Variants in SDC3 observed in about 807,000 individuals in gnomAD.
SDC3 encodes syndecan 3.
A neutral mutation model predicts 24.4 loss-of-function variants in SDC3; 13 were observed. The observed-to-expected ratio is 0.53, with a 90% CI of 0.35 to 0.85. SDC3 has a LOEUF of 0.85. Among genes scored for constraint, SDC3 ranks in the 40% least tolerant of loss-of-function variants. The pLI, the probability that SDC3 is intolerant of heterozygous loss-of-function variation, is 0.01. For missense variants in SDC3, 571 were observed against 584.5 expected, an observed-to-expected ratio of 0.98 and a Z score of 0.24; for synonymous variants, 295 against 260.9, an observed-to-expected ratio of 1.13 and a Z score of -1.26.
At position 30,873,233 on chromosome 1, in the gene SDC3, T is replaced by C. The variant is rs766306316; in HGVS notation, c.1307A>G (p.Lys436Arg). The change falls in exon 5 of 5, where the codon AAG becomes AGG. Residue 436 changes from lysine (K) to arginine (R), a missense_variant. By Grantham distance (26) the Lys-to-Arg change is conservative. Transcript: ENST00000339394. ...QASVTYQKPD[K>R]QEEFYA ...CCACTAGGCATAGAACTCCTCCTGCTTGTCAGGCTTCTGGTATGTGACGCT... is the reference window on the plus strand; with the variant it reads ...CCACTAGGCATAGAACTCCTCCTGCCTGTCAGGCTTCTGGTATGTGACGCT... The C allele has an allele frequency of 1.9e-6, 3 of 1,613,616 alleles. No individual in the cohort carries two copies. Among genetic ancestry groups the C allele is most frequent in the African/African-American group, 2.7e-5 (2 of 74,912 alleles).
In SDC3 at chr1:30,883,836, G is replaced by A. The variant is rs1435950770; in HGVS notation, c.139-5096C>T. 4.6e-5 allele frequency among the ~76,000 whole-genome samples: 7 copies of A among 152,206 alleles called. No individual in the cohort carries two copies. In the East Asian group the frequency reaches 5.8e-4, roughly 13 times the overall value. ...AGTGATTTGCCCAAAGACACACAGCGACGTAACTACTAGCTCCTCGAGGCA... is the reference window on the plus strand; with the variant it reads ...AGTGATTTGCCCAAAGACACACAGCAACGTAACTACTAGCTCCTCGAGGCA... On this transcript the variant is annotated intron_variant, in intron 1 of 4. Coordinates refer to ENST00000339394, the MANE Select transcript of SDC3 (RefSeq NM_014654.4).
rs994560630 is a variant in SDC3 at position 30,897,503 on chromosome 1, T to C, written c.138+10946A>G. Among the ~76,000 whole-genome samples the C allele has an allele frequency of 1.3e-4, 20 of 152,134 alleles. 1 individual carries two copies. Among genetic ancestry groups the C allele is most frequent in the African/African-American group, 4.6e-4 (19 of 41,426 alleles). ...CATAGCCCCATACAGACAGAAAATATGCTGCAGAGAACAGATCCATGTGGA... is the reference window on the plus strand; with the variant it reads ...CATAGCCCCATACAGACAGAAAATACGCTGCAGAGAACAGATCCATGTGGA... On this transcript the variant is annotated intron_variant, in intron 1 of 4. Coordinates refer to ENST00000339394, the MANE Select transcript of SDC3 (RefSeq NM_014654.4).
intron 1 of SDC3, among the ~76,000 whole-genome samples, chr1:30,881,019 G>A (rs112350103): frequency 5.0e-5 from 7 of 140,238 alleles, no homozygotes; most frequent in East Asian, 4.1e-4. Context: ...AGACACGCGC[G>A]CACGCATGCA....
In SDC3 at chr1:30,894,609, ATGAGTG is replaced by A. The variant is rs1301408910; in HGVS notation, c.138+13834_138+13839del. 1.5e-3 allele frequency among the ~76,000 whole-genome samples: 145 copies of A among 93,556 alleles called. 1 individual carries two copies. In the East Asian group the frequency reaches 0.034, roughly 22 times the overall value. The allele number at this position is 93,556 out of a possible 152,430, so 61.4% of individuals were successfully genotyped here. On this transcript the variant is annotated intron_variant, in intron 1 of 4. Transcript: ENST00000339394. ...GCTACGTGTGTGTGGGTGTGTGTGG[ATGAGTG>A]TGAGTGTGGGTGAGAGTGTGTGGGT... is the stretch of plus-strand genomic sequence containing the variant.
At chr1:30,896,934 A>G (rs1244792751) in intron 1 of SDC3, among the ~76,000 whole-genome samples, 1 of 152,180 alleles carries the variant, frequency 6.6e-6, no homozygotes, top group African/African-American at 2.4e-5. Flanking sequence ...CTGCACTCCA[A>G]TCTGGGCAAC....
rs1338586670 is a variant in SDC3 at position 30,870,725 on chromosome 1, C to A, written c.*2486G>T. 1 of 152,714 alleles carries A rather than the reference C, an allele frequency of 6.5e-6. No homozygotes were observed. Among genetic ancestry groups the A allele is most frequent in the Non-Finnish European group, 1.5e-5 (1 of 68,334 alleles). The allele number at this position is 152,714 out of a possible 1,614,324, so 9.5% of individuals were successfully genotyped here. A position where few individuals can be genotyped will look rare whatever the true frequency, so the allele number is the denominator to read the frequency against. On this transcript the variant is annotated 3_prime_UTR_variant, in exon 5 of 5. Transcript: ENST00000339394. ...GCCCAAGCCCCAAATCAGAAGCCAA[C>A]CCCTGGGATGTGAGGAGCCAGGCCT... is the stretch of plus-strand genomic sequence containing the variant.
rs777923615 is a variant in SDC3 at position 30,874,581 on chromosome 1, G to T, written c.878C>A (p.Thr293Asn). 1.2e-6 allele frequency: 2 copies of T among 1,613,958 alleles called. No individual in the cohort carries two copies. Among genetic ancestry groups the T allele is most frequent in the East Asian group, 4.5e-5 (2 of 44,876 alleles). The change falls in exon 4 of 5, where the codon ACT becomes AAT. Residue 293 changes from threonine to asparagine, a missense_variant. Transcript: ENST00000339394. ...PGPTEVAQTPTPETFLTTIRD... is the reference protein window; with the variant it reads ...PGPTEVAQTPNPETFLTTIRD... ...GATTGTGGTCAGGAAGGTCTCTGGA[G>T]TTGGGGTCTGCAGAGAGGGTGGCAT...
At chr1:30,884,261 C>G (rs757853958) in intron 1 of SDC3, among the ~76,000 whole-genome samples, 1 of 150,968 alleles carries the variant, frequency 6.6e-6, no homozygotes, top group Non-Finnish European at 1.5e-5. Flanking sequence ...GAAGGCCAAG[C>G]TGAAACACCA....
rs1156519873 is a variant in SDC3 at position 30,872,325 on chromosome 1, G to C, written c.*886C>G. 6.6e-6 allele frequency: 1 copy of C among 152,364 alleles called. No homozygotes were observed. Among genetic ancestry groups the C allele is most frequent in the Non-Finnish European group, 1.5e-5 (1 of 68,094 alleles). The allele number at this position is 152,364 out of a possible 1,614,324, so 9.4% of individuals were successfully genotyped here. ...ACCATGACTAGTGACTTGCATTGCA[G>C]TACGTGTCTGGGGGTGTGTAAGTGA... On this transcript the variant is annotated 3_prime_UTR_variant, in exon 5 of 5. Transcript: ENST00000339394.
At chr1:30,893,896 T>A (rs1639945045) in intron 1 of SDC3, among the ~76,000 whole-genome samples, 1 of 151,976 alleles carries the variant, frequency 6.6e-6, no homozygotes, top group South Asian at 2.1e-4. Context: ...GAATCCAAGG[T>A]TGGTTTTTTA....
At chr1:30,886,057 C>T (rs1639822979) in intron 1 of SDC3, among the ~76,000 whole-genome samples, 1 of 152,118 alleles carries the variant, frequency 6.6e-6, no homozygotes, top group African/African-American at 2.4e-5. Flanking sequence ...AGCAGGACCA[C>T]CCACTGAGGC....
intron 1 of SDC3, among the ~76,000 whole-genome samples, chr1:30,899,791 C>T (rs1419786083): frequency 6.6e-6 from 1 of 152,192 alleles, no homozygotes; most frequent in South Asian, 2.1e-4. Context: ...ATGCACCTGC[C>T]ACCAGTAAAC....
intron 1 of SDC3, among the ~76,000 whole-genome samples, chr1:30,884,525 T>C (rs1639800418): frequency 1.3e-5 from 2 of 152,018 alleles, no homozygotes; most frequent in Non-Finnish European, 2.9e-5. Flanking sequence ...GTCTGCCCTC[T>C]ACCCAGCCCT....
At chr1:30,899,817 C>T (rs1638375497) in intron 1 of SDC3, among the ~76,000 whole-genome samples, 1 of 152,166 alleles carries the variant, frequency 6.6e-6, no homozygotes, top group Non-Finnish European at 1.5e-5. Flanking sequence ...TGAAGCAAGA[C>T]ATGGCCAGAC....
chr1:30,882,029 C>G (rs1362058560), intron 1 of SDC3, among the ~76,000 whole-genome samples: 2 of 152,196 alleles, frequency 1.3e-5, no homozygotes, highest in Non-Finnish European at 2.9e-5. Flanking sequence ...GACTATGCAG[C>G]TCATAGCATT....
At chr1:30,909,068 A>C (rs1227721610), upstream of SDC3, among the ~76,000 whole-genome samples, 2 of 152,008 alleles carry the variant, frequency 1.3e-5, no homozygotes, top group Non-Finnish European at 2.9e-5. Flanking sequence ...GTGGGATACC[A>C]GGGCCCGGGC....
At chr1:30,906,795 A>G (rs1408120144) in intron 1 of SDC3, among the ~76,000 whole-genome samples, 3 of 152,186 alleles carry the variant, frequency 2.0e-5, no homozygotes, top group Non-Finnish European at 4.4e-5. Context: ...GTGATTCCCA[A>G]GCCTTTGATT....
intron 1 of SDC3, among the ~76,000 whole-genome samples, chr1:30,904,511 T>A (rs1470720900): frequency 2.0e-5 from 3 of 151,978 alleles, no homozygotes; most frequent in Non-Finnish European, 4.4e-5. Context: ...TTCTTTCACT[T>A]TTTTTTCCAG....
At chr1:30,906,759 G>A (rs1183773176) in intron 1 of SDC3, among the ~76,000 whole-genome samples, 1 of 152,212 alleles carries the variant, frequency 6.6e-6, no homozygotes, top group African/African-American at 2.4e-5. Flanking sequence ...ATCGGCGGGG[G>A]TAGCAGGATT....
Sources: gnomAD v4.1 joint callset for allele counts (sites outside exome capture counted in the v4.1 genomes callset) on GRCh38, gnomAD v4.1.1 for gene constraint, MANE v1.5 for transcripts, NCBI Gene and HGNC (gene_info 2026-07-23, HGNC 2026-07-21) for gene names.